TOX2: variants seen among roughly 807,000 people sequenced by gnomAD.
TOX2 encodes TOX high mobility group box family member 2.
TOX2 carries 15 observed loss-of-function variants against 47.4 expected under a neutral mutation model. The ratio of observed to expected loss-of-function variants is 0.32; its 90% CI spans 0.21 to 0.49. The LOEUF is 0.49. TOX2 is among the 20% of genes least tolerant of loss of function. TOX2 has a pLI of 0.99. For missense variants in TOX2, 622 were observed against 673.1 expected, an observed-to-expected ratio of 0.92 and a Z score of 0.84; for synonymous variants, 290 against 296.6, an observed-to-expected ratio of 0.98 and a Z score of 0.23.
intron 1 of TOX2, among the ~76,000 whole-genome samples, chr20:43,946,579 T>C (rs1213575361): frequency 2.0e-5 from 3 of 152,162 alleles, no homozygotes; most frequent in Non-Finnish European, 4.4e-5. Flanking sequence ...TTGCCAAATT[T>C]GGTGAATGCC....
intron 3 of TOX2, among the ~76,000 whole-genome samples, chr20:44,028,300 G>T (rs1156801726): frequency 2.6e-5 from 4 of 151,996 alleles, no homozygotes; most frequent in Non-Finnish European, 4.4e-5. Flanking sequence ...TGGCTGGGCA[G>T]GGGGGTGAGG....
At chr20:43,947,440 T>A (rs1281000696) in intron 1 of TOX2, among the ~76,000 whole-genome samples, 2 of 152,218 alleles carry the variant, frequency 1.3e-5, no homozygotes, top group African/African-American at 4.8e-5. Flanking sequence ...AATGAACAAA[T>A]GACCTAGGAT....
At chr20:43,926,619 A>G (rs903847328) in intron 1 of TOX2, among the ~76,000 whole-genome samples, 2 of 152,212 alleles carry the variant, frequency 1.3e-5, no homozygotes, top group African/African-American at 4.8e-5. Flanking sequence ...TATACACTGT[A>G]CAGTCTAAGG....
Position 44,065,910 on chromosome 20 carries a change from A to T in TOX2, c.1159A>T (p.Ser387Cys). ...CTCCAAGTCTCTGCTGCCAGGCCTC[A>T]GTGCGTCCCCGCCGCCGCCACCCTC... ...LGSKSLLPGL[S>C]ASPPPPPSFP... is the part of the protein sequence containing the mutation. The change falls in exon 7 of 9, where the codon AGT becomes TGT. Residue 387 changes from serine (S) to cysteine (C), a missense_variant. Physicochemically the swap from Ser to Cys is moderately radical, Grantham distance 112. Around this residue, in one of 3 missense-constraint regions of TOX2, gnomAD observed 294 missense variants for 300.0 expected, o/e 0.98. Transcript: ENST00000341197. 6.2e-7 allele frequency: 1 copy of T among 1,610,812 alleles called. No individual in the cohort carries two copies. Among genetic ancestry groups the T allele is most frequent in the Admixed American group, 1.7e-5 (1 of 59,782 alleles).
rs966096800 is a variant in TOX2 at position 43,916,292 on chromosome 20, G to A, written c.99+1302G>A. The stretch of plus-strand genomic sequence containing the variant: ...GGCTTTTCGTCAGGCCCCTGGTAGT[G>A]GGGATGAGGCAGGAGAGAGGCGTCC... On this transcript the variant is annotated intron_variant, in intron 1 of 8. Transcript: ENST00000341197. The surrounding 1 kb of genome is among the most constrained non-coding windows in gnomAD (Gnocchi z 5.0). The A allele has an allele frequency of 2.8e-5, 26 of 943,940 alleles. No individual in the cohort carries two copies. Among genetic ancestry groups the A allele is most frequent in the Non-Finnish European group, 3.3e-5 (26 of 792,216 alleles). 58.5% of individuals were successfully genotyped at this position (943,940 alleles called of 1,614,324 possible). A position where few individuals can be genotyped will look rare whatever the true frequency, so the allele number is the denominator to read the frequency against.
intron 2 of TOX2, among the ~76,000 whole-genome samples, chr20:43,989,132 G>A (rs2070323811): frequency 6.6e-6 from 1 of 152,154 alleles, no homozygotes; most frequent in Non-Finnish European, 1.5e-5. Context: ...CCCAGAATCT[G>A]ATTTAGAGTC....
At chr20:44,058,508 C>T (rs983797932) in intron 5 of TOX2, among the ~76,000 whole-genome samples, 2 of 152,236 alleles carry the variant, frequency 1.3e-5, no homozygotes, top group African/African-American at 4.8e-5. Flanking sequence ...CACCACCTGA[C>T]ACTAGGGCAA....
intron 1 of TOX2, among the ~76,000 whole-genome samples, chr20:43,920,683 G>A (rs2069103663): frequency 1.3e-5 from 2 of 152,196 alleles, no homozygotes; most frequent in Admixed American, 6.5e-5. Context: ...CGATCTGCTG[G>A]GTGACCTTGA....
intron 1 of TOX2, chr20:43,946,027 T>C: frequency 6.2e-7 from 1 of 1,613,988 alleles, no homozygotes; most frequent in Non-Finnish European, 8.5e-7. Flanking sequence ...TGCAGGTGTG[T>C]TTCCGCAGAA....
chr20:44,013,100 GT>G (rs2070807254), intron 3 of TOX2, among the ~76,000 whole-genome samples: 1 of 152,198 alleles, frequency 6.6e-6, no homozygotes, highest in African/African-American at 2.4e-5. Flanking sequence ...AAAACTTGGA[GT>G]GGGGACTTGA....
chr20:44,002,670 C>T (rs1186081814), intron 2 of TOX2, among the ~76,000 whole-genome samples: 1 of 152,132 alleles, frequency 6.6e-6, no homozygotes, highest in African/African-American at 2.4e-5. Flanking sequence ...CAGCATGGCA[C>T]CCACATCTGC....
Position 44,068,671 on chromosome 20 carries a change from G to T in TOX2, c.1506G>T (p.Ser502=), listed in dbSNP as rs754898188. Residue 502 remains serine, a synonymous_variant, in exon 9 of 9, where the codon TCG becomes TCT. Coordinates refer to ENST00000341197, the MANE Select transcript of TOX2 (RefSeq NM_001098797.2). ...STCSLLPRDK[S]LYLT is the part of the protein sequence containing the mutation. ...ACAGCCTGCTCCCCAGGGACAAATC[G>T]CTCTACCTCACCTAATCCCGCCTCC... 2.5e-6 allele frequency: 4 copies of T among 1,613,714 alleles called. No homozygotes were observed. Among genetic ancestry groups the T allele is most frequent in the Non-Finnish European group, 3.4e-6 (4 of 1,179,774 alleles).
intron 2 of TOX2, among the ~76,000 whole-genome samples, chr20:43,979,480 A>G (rs1295647882): frequency 2.6e-5 from 4 of 152,162 alleles, no homozygotes; most frequent in Admixed American, 2.0e-4. Context: ...AGGATGTTGG[A>G]TCCACAGTTC....
At chr20:44,010,730 C>A (rs373413075) in intron 3 of TOX2, among the ~76,000 whole-genome samples, 1 of 151,998 alleles carries the variant, frequency 6.6e-6, no homozygotes, top group Non-Finnish European at 1.5e-5. Flanking sequence ...CATAATCCCC[C>A]CAAGAAGCAA....
At position 43,990,781 on chromosome 20, in the gene TOX2, G is replaced by GA. The variant is rs2070355796; in HGVS notation, c.166-15765dup. 2.0e-5 allele frequency among the ~76,000 whole-genome samples: 3 copies of GA among 152,170 alleles called. No homozygotes were observed. In the South Asian group the frequency reaches 6.2e-4, roughly 32 times the overall value. ...TTCACTGCTCAGCCTGGTGTCCTGG[G>GA]ATCTCGGGGCACTCATGAGGACCAT... On this transcript the variant is annotated intron_variant, in intron 2 of 8. Transcript: ENST00000341197.
chr20:43,935,303 C>T (rs2069310937), intron 1 of TOX2, among the ~76,000 whole-genome samples: 1 of 152,214 alleles, frequency 6.6e-6, no homozygotes, highest in Admixed American at 6.5e-5. Context: ...GTAAGCCTCT[C>T]CTGCGTAGGA....
At chr20:44,029,946 T>A (rs6073289) in intron 3 of TOX2, among the ~76,000 whole-genome samples, 4 of 151,920 alleles carry the variant, frequency 2.6e-5, no homozygotes, top group African/African-American at 9.7e-5. Context: ...TTGACTGTAT[T>A]AGACCAGGCT....
At position 44,051,349 on chromosome 20, in the gene TOX2, G is replaced by A; in HGVS notation, c.455G>A (p.Gly152Asp). ...VHSEVAAYDS[G>D]RPGPLLGRPA... is the part of the protein sequence containing the mutation. The stretch of plus-strand genomic sequence containing the variant: ...TCGGAAGTGGCTGCCTATGACTCGG[G>A]CCGGCCCGGGCCCCTGCTGGGTCGC... Residue 152 changes from glycine (G) to aspartate (D), a missense_variant, in exon 4 of 9, where the codon GGC (glycine) becomes GAC (aspartate). Around this residue, in one of 3 missense-constraint regions of TOX2, gnomAD observed 307 missense variants for 327.3 expected, o/e 0.94. Transcript: ENST00000341197. The A allele has an allele frequency of 6.2e-7, 1 of 1,613,160 alleles. No homozygotes were observed. Among genetic ancestry groups the A allele is most frequent in the Non-Finnish European group, 8.5e-7 (1 of 1,179,406 alleles).
chr20:43,987,073 T>G (rs940683096), intron 2 of TOX2, among the ~76,000 whole-genome samples: 18 of 152,068 alleles, frequency 1.2e-4, no homozygotes, highest in Non-Finnish European at 2.5e-4. Flanking sequence ...TAAAAAAAAG[T>G]TTATAGGAGT....
Sources: gnomAD v4.1 joint callset for allele counts (sites outside exome capture counted in the v4.1 genomes callset) on GRCh38, gnomAD v4.1.1 for gene constraint, gnomAD v4.1.1 regional missense constraint, Gnocchi (gnomAD v3.1) non-coding constraint, MANE v1.5 for transcripts, NCBI Gene and HGNC (gene_info 2026-07-23, HGNC 2026-07-21) for gene names.